EYS: variants seen among roughly 807,000 people sequenced by gnomAD.
EYS encodes the protein protein eyes shut homolog.
In EYS, 250 loss-of-function variants were observed where a neutral mutation model predicts 282.1. That is an observed-to-expected ratio of 0.89 (90% CI 0.80 to 0.98). The LOEUF (loss-of-function observed/expected upper bound fraction) is 0.98, where lower values mean the gene tolerates loss of function less well. Ranked by LOEUF, EYS falls within the 50% of genes least tolerant of loss-of-function variation. The pLI is 0.00. For synonymous variants in EYS, 1,355 were observed against 1,282.9 expected, an observed-to-expected ratio of 1.06 and a Z score of -1.20; for missense variants, 4,016 against 3,709.0, an observed-to-expected ratio of 1.08 and a Z score of -2.15.
chr6:63,786,328 C>T (rs550446828), intron 39 of EYS: 33 of 151,690 alleles, frequency 2.2e-4, no homozygotes, highest in East Asian at 3.9e-4. Context: ...AATGTGATAT[C>T]CTTACTCCAA....
intron 1 of EYS, among the ~76,000 whole-genome samples, chr6:65,647,015 G>A (rs1227529290): frequency 1.3e-5 from 2 of 152,078 alleles, no homozygotes; most frequent in Admixed American, 1.3e-4. Context: ...AATCACAGAC[G>A]ATACAAACAA....
At chr6:65,068,210 T>C (rs745891667) in intron 12 of EYS, among the ~76,000 whole-genome samples, 3 of 152,132 alleles carry the variant, frequency 2.0e-5, no homozygotes, top group Non-Finnish European at 2.9e-5. Context: ...ATGAAATCAG[T>C]GCATTTCTCA....
At chr6:64,343,533 G>C (rs1430847876) in intron 29 of EYS, among the ~76,000 whole-genome samples, 1 of 152,024 alleles carries the variant, frequency 6.6e-6, no homozygotes, top group East Asian at 1.9e-4. Flanking sequence ...CAACATACCA[G>C]AATCTCTGGG....
At chr6:65,611,142 T>G (rs1378408309) in intron 2 of EYS, among the ~76,000 whole-genome samples, 1 of 151,688 alleles carries the variant, frequency 6.6e-6, no homozygotes, top group Non-Finnish European at 1.5e-5. Context: ...TTTTATTTTT[T>G]GAATCAAATA....
intron 24 of EYS, among the ~76,000 whole-genome samples, chr6:64,612,195 C>A (rs602691): frequency 0.048 from 7,347 of 152,052 alleles, 568 homozygotes; most frequent in African/African-American, 0.17. Flanking sequence ...AATAGTTTCT[C>A]CATTTTTTCT....
chr6:64,364,501 T>C (rs1772126037), intron 29 of EYS, among the ~76,000 whole-genome samples: 1 of 151,916 alleles, frequency 6.6e-6, no homozygotes, highest in African/African-American at 2.4e-5. Flanking sequence ...ATAAAAAATG[T>C]GGTACTCAAA....
intron 9 of EYS, among the ~76,000 whole-genome samples, chr6:65,346,491 C>G (rs956322745): frequency 7.2e-6 from 1 of 139,204 alleles, no homozygotes; most frequent in South Asian, 2.3e-4. Context: ...TATAGTAAAA[C>G]AAATTAAAAA....
chr6:63,875,906 TC>T, intron 35 of EYS, among the ~76,000 whole-genome samples: 1 of 152,320 alleles, frequency 6.6e-6, no homozygotes, highest in East Asian at 1.9e-4. Flanking sequence ...ATTTTGTTGA[TC>T]TTTTCAAAAA....
chr6:64,247,466 A>G (rs1480765698), intron 30 of EYS, among the ~76,000 whole-genome samples: 2 of 152,138 alleles, frequency 1.3e-5, no homozygotes, highest in African/African-American at 4.8e-5. Flanking sequence ...AACAAAATAG[A>G]CCAAACGAAA....
At chr6:64,209,324 T>G (rs898009523) in intron 31 of EYS, among the ~76,000 whole-genome samples, 2 of 152,160 alleles carry the variant, frequency 1.3e-5, no homozygotes, top group Admixed American at 6.5e-5. Flanking sequence ...ATTCATATGA[T>G]ATCATACTGG....
At chr6:65,006,422 T>C (rs371430889) in intron 13 of EYS, among the ~76,000 whole-genome samples, 56 of 148,450 alleles carry the variant, frequency 3.8e-4, no homozygotes, top group African/African-American at 1.3e-3. Context: ...TAGGGACAAC[T>C]GCTTCACTAA....
intron 7 of EYS, among the ~76,000 whole-genome samples, chr6:65,387,970 C>A (rs1218106750): frequency 1.3e-5 from 2 of 151,978 alleles, no homozygotes; most frequent in Admixed American, 6.6e-5. Flanking sequence ...GGGCAAAAAA[C>A]CCTTTGAAGT....
intron 13 of EYS, among the ~76,000 whole-genome samples, chr6:65,015,110 C>A (rs1045823770): frequency 2.0e-5 from 3 of 152,082 alleles, no homozygotes; most frequent in Non-Finnish European, 4.4e-5. Context: ...CCCTGCAATA[C>A]CTACCTCATT....
At chr6:65,033,637 G>A (rs1121536) in intron 13 of EYS, among the ~76,000 whole-genome samples, 56,345 of 152,046 alleles carry the variant, frequency 0.37, 12,669 homozygotes, top group Admixed American at 0.5. Flanking sequence ...GAATACAAGA[G>A]TGAAGAATGC....
At chr6:65,460,368 G>GTCAAA (rs1185814484) in intron 5 of EYS, among the ~76,000 whole-genome samples, 2 of 151,832 alleles carry the variant, frequency 1.3e-5, no homozygotes, top group African/African-American at 4.8e-5. Flanking sequence ...TGTAACTTCT[G>GTCAAA]TCAAATATCT....
intron 5 of EYS, among the ~76,000 whole-genome samples, chr6:65,437,955 C>T (rs1020105061): frequency 5.3e-5 from 8 of 151,674 alleles, no homozygotes; most frequent in African/African-American, 1.9e-4. Flanking sequence ...GTGCTGCACC[C>T]ATTAACTCAT....
Position 64,650,141 on chromosome 6 carries a change from A to T in EYS, c.3444-23896T>A, listed in dbSNP as rs1004827109. ...AAAATATAAATTTAAATGATAATCTAGATATATAGCCATGCAAATACTACA... is the reference window on the plus strand; with the variant it reads ...AAAATATAAATTTAAATGATAATCTTGATATATAGCCATGCAAATACTACA... On this transcript the variant is annotated intron_variant, in intron 22 of 42. Transcript: ENST00000503581. Among the ~76,000 whole-genome samples, 4 of 152,108 alleles carry T rather than the reference A, an allele frequency of 2.6e-5. No individual in the cohort carries two copies. In the East Asian group the frequency reaches 7.7e-4, roughly 29 times the overall value.
At chr6:65,071,036 C>T (rs2150165766) in intron 12 of EYS, among the ~76,000 whole-genome samples, 1 of 151,780 alleles carries the variant, frequency 6.6e-6, no homozygotes, top group African/African-American at 2.4e-5. Flanking sequence ...TCTTAAAGAC[C>T]TCTCTTCCTT....
chr6:64,804,555 T>C (rs1265206648), intron 22 of EYS, among the ~76,000 whole-genome samples: 1 of 152,136 alleles, frequency 6.6e-6, no homozygotes, highest in African/African-American at 2.4e-5. Context: ...CTACTTTTTT[T>C]TCCTTCATTT....
Sources: gnomAD v4.1 joint callset for allele counts (sites outside exome capture counted in the v4.1 genomes callset) on GRCh38, gnomAD v4.1.1 for gene constraint, MANE v1.5 for transcripts, NCBI Gene and HGNC (gene_info 2026-07-23, HGNC 2026-07-21) for gene names.